SLC9D1: variants seen among roughly 807,000 people sequenced by gnomAD.
The protein encoded by SLC9D1 is putative LAG1-interacting protein.
At chr13:113,497,086 G>A in the SLC9D1 span, among the ~76,000 whole-genome samples, 6 of 152,154 alleles carry the variant, frequency 3.9e-5, no homozygotes, top group African/African-American at 7.2e-5. Context: ...ACCTGCAGCT[G>A]TGTGTCAGAC....
chr13:113,547,152 A>G, the SLC9D1 span: 1 of 669,878 alleles, frequency 1.5e-6, no homozygotes, highest in Non-Finnish European at 2.7e-6. Context: ...GCTTTTTAGC[A>G]TTTGCTGTTG....
the SLC9D1 span, chr13:113,504,239 G>A: frequency 2.0e-5 from 3 of 152,120 alleles, no homozygotes; most frequent in African/African-American, 7.2e-5. Flanking sequence ...TTTTTTCCAC[G>A]AAAGACTTGG....
At chr13:113,528,776 C>T in the SLC9D1 span, 1 of 152,104 alleles carries the variant, frequency 6.6e-6, no homozygotes, top group Non-Finnish European at 1.5e-5. Context: ...TTCCTTTGAT[C>T]CAGATGTCTT....
chr13:113,511,384 T>C, the SLC9D1 span, among the ~76,000 whole-genome samples: 2 of 152,278 alleles, frequency 1.3e-5, no homozygotes, highest in African/African-American at 4.8e-5. Flanking sequence ...TGCCGGCAAC[T>C]GAGAGGCTGA....
At chr13:113,520,731 T>C in the SLC9D1 span, 1 of 1,603,382 alleles carries the variant, frequency 6.2e-7, no homozygotes. Context: ...GTGCATCTTC[T>C]AGGTAAACGC....
chr13:113,532,620 A>G, the SLC9D1 span, among the ~76,000 whole-genome samples: 97 of 152,268 alleles, frequency 6.4e-4, 2 homozygotes, highest in South Asian at 0.019. Context: ...CCAGGGCCAG[A>G]CGTGGGCCTG....
chr13:113,530,318 G>A, the SLC9D1 span: 1 of 152,128 alleles, frequency 6.6e-6, no homozygotes, highest in Non-Finnish European at 1.5e-5. Context: ...TGAATATGCT[G>A]GAAACCATTG....
chr13:113,519,304 C>T, the SLC9D1 span, among the ~76,000 whole-genome samples: 4 of 151,462 alleles, frequency 2.6e-5, no homozygotes, highest in African/African-American at 9.7e-5. Flanking sequence ...CCTCAGCCTC[C>T]CAAAGTGCTG....
the SLC9D1 span, among the ~76,000 whole-genome samples, chr13:113,496,825 C>G: frequency 2.6e-5 from 4 of 152,120 alleles, no homozygotes; most frequent in Non-Finnish European, 4.4e-5. Flanking sequence ...ATTTGTCTTG[C>G]CTGTGTGATA....
At chr13:113,522,876 C>T in the SLC9D1 span, among the ~76,000 whole-genome samples, 12 of 152,242 alleles carry the variant, frequency 7.9e-5, 1 homozygote, top group East Asian at 1.5e-3. Context: ...GTGATCTGCC[C>T]GCCTCAGCCT....
At chr13:113,536,811 G>C in the SLC9D1 span, among the ~76,000 whole-genome samples, 1 of 152,212 alleles carries the variant, frequency 6.6e-6, no homozygotes, top group African/African-American at 2.4e-5. Context: ...TTTCACTGCT[G>C]ATGAGCCTAG....
the SLC9D1 span, among the ~76,000 whole-genome samples, chr13:113,501,365 G>A: frequency 1.3e-5 from 2 of 152,190 alleles, no homozygotes; most frequent in African/African-American, 4.8e-5. Flanking sequence ...GGTATCATAA[G>A]TAATCTAGAG....
At chr13:113,510,381 CGT>C in the SLC9D1 span, 2 of 1,613,772 alleles carry the variant, frequency 1.2e-6, no homozygotes, top group Non-Finnish European at 1.7e-6. Flanking sequence ...GCACACCCCT[CGT>C]GTCCAGGTTC....
chr13:113,502,307 G>A, the SLC9D1 span, among the ~76,000 whole-genome samples: 5 of 152,050 alleles, frequency 3.3e-5, no homozygotes, highest in Non-Finnish European at 5.9e-5. Context: ...TCCGCCTCCC[G>A]GGTTCACATG....
the SLC9D1 span, among the ~76,000 whole-genome samples, chr13:113,533,347 C>T: frequency 2.0e-5 from 3 of 152,158 alleles, no homozygotes; most frequent in Admixed American, 6.6e-5. Context: ...TTGAGATTTG[C>T]GTTTCCAGCA....
chr13:113,520,766 A>G, the SLC9D1 span: 1 of 1,475,020 alleles, frequency 6.8e-7, no homozygotes, highest in Non-Finnish European at 9.5e-7. Flanking sequence ...TTGTTTTTAT[A>G]GTTTAAAATC....
At chr13:113,501,041 A>T in the SLC9D1 span, among the ~76,000 whole-genome samples, 28,150 of 152,166 alleles carry the variant, frequency 0.18, 3,443 homozygotes, top group African/African-American at 0.35. Flanking sequence ...CTGCAGGTGC[A>T]GCAGTGCCAG....
the SLC9D1 span, among the ~76,000 whole-genome samples, chr13:113,497,536 G>A: frequency 2.0e-5 from 3 of 149,152 alleles, no homozygotes; most frequent in Non-Finnish European, 3.0e-5. Context: ...TGTGAGACCT[G>A]CAGCTGTGCG....
chr13:113,547,074 G>A, the SLC9D1 span: 1 of 537,218 alleles, frequency 1.9e-6, no homozygotes, highest in African/African-American at 1.9e-5. Context: ...GAGTGGAGCT[G>A]GGATCCCACC....
Sources: gnomAD v4.1 joint callset for allele counts (sites outside exome capture counted in the v4.1 genomes callset) on GRCh38, gnomAD v4.1.1 for gene constraint, MANE v1.5 for transcripts, NCBI Gene and HGNC (gene_info 2026-07-23, HGNC 2026-07-21) for gene names.